Variants in PSAT1 observed in about 807,000 individuals in gnomAD.
The protein encoded by PSAT1 is phosphoserine aminotransferase.
Under a neutral mutation model 40.3 loss-of-function variants are expected in PSAT1, and 41 were observed. The observed-to-expected ratio is 1.02, with a 90% CI of 0.79 to 1.32. The LOEUF is 1.32. Ranked by LOEUF, PSAT1 falls within the 40% of genes most tolerant of loss-of-function variation. The pLI is 0.00. For missense variants in PSAT1, 406 were observed against 455.8 expected, an observed-to-expected ratio of 0.89 and a Z score of 0.99; for synonymous variants, 147 against 170.5, an observed-to-expected ratio of 0.86 and a Z score of 1.07.
At chr9:78,302,530 C>T (rs913218800) in intron 3 of PSAT1, among the ~76,000 whole-genome samples, 1 of 151,924 alleles carries the variant, frequency 6.6e-6, no homozygotes, top group Admixed American at 6.6e-5. Flanking sequence ...AGATCAAGAC[C>T]ATGCTGGCTA....
chr9:78,303,241 G>A (rs1254088348), intron 3 of PSAT1, among the ~76,000 whole-genome samples: 1 of 152,168 alleles, frequency 6.6e-6, no homozygotes, highest in Non-Finnish European at 1.5e-5. Context: ...GATGGGGCAG[G>A]CTTGGTGATA....
chr9:78,302,190 T>C (rs1187322470), intron 3 of PSAT1, among the ~76,000 whole-genome samples, 167 bp downstream of exon 3: 1 of 152,228 alleles, frequency 6.6e-6, no homozygotes, highest in Middle Eastern at 3.2e-3. Flanking sequence ...CGCTTTTTAT[T>C]TGTTCCCCAT....
At chr9:78,328,421 A>C (rs750524419) in intron 8 of PSAT1, among the ~76,000 whole-genome samples, 1 of 152,122 alleles carries the variant, frequency 6.6e-6, no homozygotes, top group Admixed American at 6.6e-5. Flanking sequence ...TTTTGGCAAA[A>C]TTACCTTTGA....
chr9:78,328,682 A>G (rs574758402), intron 8 of PSAT1, among the ~76,000 whole-genome samples: 23 of 152,358 alleles, frequency 1.5e-4, no homozygotes, highest in Admixed American at 9.8e-4. Flanking sequence ...GTTGAACAGA[A>G]TCGCTATCTT....
intron 7 of PSAT1, among the ~76,000 whole-genome samples, 155 bp downstream of exon 7, chr9:78,317,959 G>A (rs999811836): frequency 1.3e-5 from 2 of 152,036 alleles, no homozygotes; most frequent in Non-Finnish European, 2.9e-5. Context: ...GCAGGGGAGT[G>A]GGTGGTGAGT....
At position 78,297,711 on chromosome 9, in the gene PSAT1, A is replaced by G. The variant is rs146980034; in HGVS notation, c.60+441A>G. 5.9e-3 allele frequency among the ~76,000 whole-genome samples: 901 copies of G among 152,332 alleles called. 12 individuals are homozygous for G. The highest frequency in any genetic ancestry group is 0.041 in the Middle Eastern group (12 of 294). ...GTGTGGAGCGGATGCATGAATGGAC[A>G]TAGTGTGAATGAGTGATGAACGGGA... On this transcript the variant is annotated intron_variant, in intron 1 of 8. Transcript: ENST00000376588.
chr9:78,325,547 C>G (rs1353414071), intron 7 of PSAT1, among the ~76,000 whole-genome samples: 2 of 152,246 alleles, frequency 1.3e-5, no homozygotes, highest in African/African-American at 4.8e-5. Context: ...TTCTTCTCAT[C>G]TGTTGGAACC....
chr9:78,318,541 C>T (rs1403314515), intron 7 of PSAT1, among the ~76,000 whole-genome samples: 2 of 152,128 alleles, frequency 1.3e-5, no homozygotes, highest in African/African-American at 4.8e-5. Flanking sequence ...TTGGTCCCTC[C>T]AGAGAGCCAT....
chr9:78,297,195 C>T lies in PSAT1; in HGVS notation c.-16C>T, dbSNP rs757525934. The stretch of plus-strand genomic sequence containing the variant: ...TCGGTCCTCCTTGGCTGACTCACCG[C>T]CCTGGCCGCCGCACCATGGACGCCC... On this transcript the variant is annotated 5_prime_UTR_variant, in exon 1 of 9. Coordinates refer to ENST00000376588, the MANE Select transcript of PSAT1 (RefSeq NM_058179.4). The T allele has an allele frequency of 2.5e-6, 4 of 1,594,726 alleles. No homozygotes were observed. In the Admixed American group the frequency reaches 6.8e-5, roughly 27 times the overall value.
intron 7 of PSAT1, among the ~76,000 whole-genome samples, chr9:78,327,706 G>A (rs780987598): frequency 1.1e-4 from 17 of 152,070 alleles, no homozygotes; most frequent in African/African-American, 3.9e-4. Flanking sequence ...CACATTTGCC[G>A]TGCAGCTGCC....
intron 6 of PSAT1, among the ~76,000 whole-genome samples, chr9:78,314,880 C>T (rs1489536284): frequency 6.6e-6 from 1 of 152,010 alleles, no homozygotes; most frequent in African/African-American, 2.4e-5. Flanking sequence ...TGGGCTAACA[C>T]AGAGCTTCAG....
rs1828042818 is a variant in PSAT1 at position 78,297,431 on chromosome 9, G to A, written c.60+161G>A. On this transcript the variant is annotated intron_variant, in intron 1 of 8. Coordinates refer to ENST00000376588, the MANE Select transcript of PSAT1 (RefSeq NM_058179.4). Reference sequence around the variant, plus strand: ...ACAGCGGGATCAGCAGCTCCGGCAAGCGGGCTTCGGGAAGAATGCAGTTGG... The same window carrying A: ...ACAGCGGGATCAGCAGCTCCGGCAAACGGGCTTCGGGAAGAATGCAGTTGG... Among the ~76,000 whole-genome samples, 6 of 152,264 alleles carry A rather than the reference G, an allele frequency of 3.9e-5. No homozygotes were observed. In the South Asian group the frequency reaches 1.2e-3, roughly 31 times the overall value.
At chr9:78,321,605 G>A (rs1414236990) in intron 7 of PSAT1, among the ~76,000 whole-genome samples, 1 of 151,958 alleles carries the variant, frequency 6.6e-6, no homozygotes, top group Non-Finnish European at 1.5e-5. Flanking sequence ...TTGTTTGCTG[G>A]GGGTTTCACC....
chr9:78,306,630 C>A, intron 5 of PSAT1, 144 bp downstream of exon 5: 1 of 1,032,656 alleles, frequency 9.7e-7, no homozygotes, highest in Admixed American at 1.8e-5. Flanking sequence ...GAGCAGGCTG[C>A]CAGGTGCGAA....
chr9:78,314,940 T>G lies in PSAT1; in HGVS notation c.741-2736T>G, dbSNP rs1828319086. 3.9e-5 allele frequency among the ~76,000 whole-genome samples: 6 copies of G among 152,082 alleles called. No homozygotes were observed. In the South Asian group the frequency reaches 1.2e-3, roughly 32 times the overall value. On this transcript the variant is annotated intron_variant, in intron 6 of 8. Coordinates refer to ENST00000376588, the MANE Select transcript of PSAT1 (RefSeq NM_058179.4). ...GAAGTATTGTTGGTGACCTGGGCTCTGCTTGGATTCAATCACATGGCAGGG... is the reference window on the plus strand; with the variant it reads ...GAAGTATTGTTGGTGACCTGGGCTCGGCTTGGATTCAATCACATGGCAGGG...
chr9:78,314,997 G>T (rs992501528), intron 6 of PSAT1, among the ~76,000 whole-genome samples: 12 of 150,308 alleles, frequency 8.0e-5, no homozygotes. Context: ...GGAGGTGGGG[G>T]GTGAACAGGC....
At chr9:78,317,905 G>C in intron 7 of PSAT1, 101 bp downstream of exon 7, 2 of 1,396,200 alleles carry the variant, frequency 1.4e-6, no homozygotes, top group Non-Finnish European at 2.0e-6. Context: ...CTTTCTCTGA[G>C]ACATTAAAAT....
chr9:78,315,063 T>C (rs541121305), intron 6 of PSAT1, among the ~76,000 whole-genome samples: 1 of 152,188 alleles, frequency 6.6e-6, no homozygotes, highest in African/African-American at 2.4e-5. Flanking sequence ...GAGCATCTGA[T>C]GAACAGAGGG....
intron 6 of PSAT1, among the ~76,000 whole-genome samples, chr9:78,310,961 C>T (rs11137596): frequency 0.29 from 43,847 of 151,994 alleles, 6,516 homozygotes; most frequent in East Asian, 0.45. Context: ...CTTGGTCACA[C>T]GATGCAGAGC....
Sources: allele counts gnomAD v4.1 joint callset (sites outside exome capture counted in the v4.1 genomes callset), GRCh38; gene constraint gnomAD v4.1.1; transcripts MANE v1.5; gene names NCBI Gene and HGNC (gene_info 2026-07-23, HGNC 2026-07-21).